Variants in ACOXL observed in about 807,000 individuals in gnomAD.
ACOXL encodes the protein acyl-CoA oxidase like, also known as acyl-coenzyme A oxidase-like protein.
Under a neutral mutation model 71.9 loss-of-function variants are expected in ACOXL, and 70 were observed. That is an observed-to-expected ratio of 0.97 (90% CI 0.80 to 1.19). The LOEUF (loss-of-function observed/expected upper bound fraction) is 1.19, where lower values mean the gene tolerates loss of function less well. Among genes scored for constraint, ACOXL ranks in the 50% most tolerant of loss-of-function variants. The probability of loss-of-function intolerance (pLI) is 0.00; values close to 1 mark genes in which losing one functional copy is unlikely to be tolerated. For synonymous variants in ACOXL, 253 were observed against 281.6 expected, an observed-to-expected ratio of 0.90 and a Z score of 1.02; for missense variants, 703 against 736.3, an observed-to-expected ratio of 0.95 and a Z score of 0.52.
intron 10 of ACOXL, among the ~76,000 whole-genome samples, chr2:110,878,155 A>C (rs1044046921): frequency 6.6e-6 from 1 of 152,228 alleles, no homozygotes; most frequent in African/African-American, 2.4e-5. Flanking sequence ...GAACAGTTTC[A>C]GTTTGGATTT....
chr2:110,760,733 A>G (rs557995839), intron 1 of ACOXL, among the ~76,000 whole-genome samples: 1 of 152,334 alleles, frequency 6.6e-6, no homozygotes, highest in South Asian at 2.1e-4. Flanking sequence ...TAGTCTGAGC[A>G]TATTTTTAGC....
At chr2:110,942,222 C>G (rs562709687) in intron 12 of ACOXL, among the ~76,000 whole-genome samples, 5 of 152,106 alleles carry the variant, frequency 3.3e-5, no homozygotes, top group Non-Finnish European at 1.5e-5. Context: ...TTAAACTTGA[C>G]TATATTAATA....
chr2:110,817,442 G>C (rs141861252), intron 9 of ACOXL, among the ~76,000 whole-genome samples: 1 of 152,368 alleles, frequency 6.6e-6, no homozygotes, highest in East Asian at 1.9e-4. Context: ...TCTTGCGAAA[G>C]ACCCTTCATC....
rs1253835706 is a variant in ACOXL at position 111,057,846 on chromosome 2, C to T, written c.1440+8558C>T. ...GCTCTGCTCCTTGATACTTCATTGT[C>T]AAGCATCTAAATAAGTATCTAAATG... On this transcript the variant is annotated intron_variant, in intron 16 of 17. Transcript: ENST00000439055. Among the ~76,000 whole-genome samples the T allele has an allele frequency of 3.3e-5, 5 of 152,348 alleles. No homozygotes were observed. In the East Asian group the frequency reaches 9.6e-4, roughly 29 times the overall value.
At chr2:111,076,177 A>G (rs76489055) in intron 16 of ACOXL, among the ~76,000 whole-genome samples, 168 of 152,264 alleles carry the variant, frequency 1.1e-3, no homozygotes, top group Non-Finnish European at 2.0e-3. Context: ...AGTCCTATCT[A>G]TTACTGAAAG....
rs567215811 is a variant in ACOXL, at chr2:110,788,295, A to AT, written c.159+3482dup. 4.1e-4 allele frequency among the ~76,000 whole-genome samples: 63 copies of AT among 152,376 alleles called. No individual in the cohort carries two copies. The East Asian group carries it at 0.011, about 28-fold the overall frequency. On this transcript the variant is annotated intron_variant, in intron 3 of 17. Transcript: ENST00000439055. ...ATGTGGTATAAACTCAAAATGGAAT[A>AT]TTGTTCAGCCACAAAAAATAGTGAA...
At chr2:111,014,602 GT>G (rs1362108997) in intron 14 of ACOXL, among the ~76,000 whole-genome samples, 1 of 152,200 alleles carries the variant, frequency 6.6e-6, no homozygotes, top group East Asian at 1.9e-4. Context: ...TGGCAGGAAT[GT>G]TTGTAGAAAC....
intron 1 of ACOXL, among the ~76,000 whole-genome samples, chr2:110,765,819 G>A (rs547163943): frequency 1.8e-4 from 28 of 152,232 alleles, no homozygotes; most frequent in Middle Eastern, 3.4e-3. Flanking sequence ...AATCACCTTG[G>A]TGATTAGGAT....
chr2:110,951,132 A>G (rs929185611), intron 12 of ACOXL, among the ~76,000 whole-genome samples: 1 of 152,216 alleles, frequency 6.6e-6, no homozygotes, highest in African/African-American at 2.4e-5. Context: ...GTCACGTGTT[A>G]TGAACGTGCC....
intron 14 of ACOXL, among the ~76,000 whole-genome samples, chr2:111,023,336 A>G (rs1185034956): frequency 1.3e-5 from 2 of 152,244 alleles, no homozygotes; most frequent in African/African-American, 4.8e-5. Flanking sequence ...TGCCCTGGAC[A>G]GGACCCTGAA....
chr2:110,934,091 T>C (rs1342955931), intron 12 of ACOXL, among the ~76,000 whole-genome samples: 1 of 152,178 alleles, frequency 6.6e-6, no homozygotes, highest in Admixed American at 6.5e-5. Flanking sequence ...CAGACTGGAT[T>C]GTGTGGTGAG....
At chr2:111,072,050 C>G (rs2067367143) in intron 16 of ACOXL, among the ~76,000 whole-genome samples, 1 of 152,166 alleles carries the variant, frequency 6.6e-6, no homozygotes, top group African/African-American at 2.4e-5. Flanking sequence ...AATGAAAGAA[C>G]AGGGAGATCC....
intron 1 of ACOXL, among the ~76,000 whole-genome samples, chr2:110,756,872 G>C (rs374406823): frequency 4.6e-5 from 7 of 151,986 alleles, no homozygotes; most frequent in African/African-American, 1.7e-4. Flanking sequence ...AAATTTTACG[G>C]GAGATTTGCC....
chr2:110,940,695 A>G (rs2060835937), intron 12 of ACOXL, among the ~76,000 whole-genome samples: 1 of 152,192 alleles, frequency 6.6e-6, no homozygotes, highest in Non-Finnish European at 1.5e-5. Context: ...TCTCTCCACA[A>G]ATTGATGTTT....
In ACOXL at chr2:110,993,373, A is replaced by G. The variant is rs1019544499; in HGVS notation, c.1170-2520A>G. Among the ~76,000 whole-genome samples the G allele has an allele frequency of 3.9e-5, 6 of 152,356 alleles. No homozygotes were observed. The South Asian group carries it at 1.2e-3, about 32-fold the overall frequency. Reference sequence around the variant, plus strand: ...TAGTTTTTCTATACTAGAACTTCACATAAACAGAACCAGGCAGTATGTACT... The same window carrying G: ...TAGTTTTTCTATACTAGAACTTCACGTAAACAGAACCAGGCAGTATGTACT... On this transcript the variant is annotated intron_variant, in intron 13 of 17. Transcript: ENST00000439055.
intron 12 of ACOXL, among the ~76,000 whole-genome samples, chr2:110,960,224 C>T (rs1430536657): frequency 6.6e-6 from 1 of 152,160 alleles, no homozygotes; most frequent in Non-Finnish European, 1.5e-5. Flanking sequence ...CCAGAATGAA[C>T]CCAAGCAAGG....
intron 9 of ACOXL, among the ~76,000 whole-genome samples, chr2:110,834,998 TA>T (rs1245472485): frequency 1.3e-5 from 2 of 152,224 alleles, no homozygotes; most frequent in Non-Finnish European, 2.9e-5. Flanking sequence ...AATGGCAGCA[TA>T]ATGGGTCTTA....
chr2:110,978,803 A>G (rs891539680), intron 12 of ACOXL, among the ~76,000 whole-genome samples: 2 of 137,804 alleles, frequency 1.5e-5, no homozygotes, highest in African/African-American at 5.9e-5. Flanking sequence ...AAGTTGTAAC[A>G]AACTAAGTAG....
chr2:110,943,706 T>C (rs971933073), intron 12 of ACOXL, among the ~76,000 whole-genome samples: 4 of 152,190 alleles, frequency 2.6e-5, no homozygotes, highest in African/African-American at 9.7e-5. Context: ...GTGCTTCTGA[T>C]ACCCCAAACC....
Sources: allele counts gnomAD v4.1 joint callset (sites outside exome capture counted in the v4.1 genomes callset), GRCh38; gene constraint gnomAD v4.1.1; transcripts MANE v1.5; gene names NCBI Gene and HGNC (gene_info 2026-07-23, HGNC 2026-07-21).